RBM5: variants seen among roughly 807,000 people sequenced by gnomAD.
RBM5 encodes RNA-binding protein 5.
Under a neutral mutation model 124.6 loss-of-function variants are expected in RBM5, and 15 were observed. That is an observed-to-expected ratio of 0.12 (90% CI 0.08 to 0.19). The LOEUF (loss-of-function observed/expected upper bound fraction) is 0.19, where lower values mean the gene tolerates loss of function less well. Ranked by LOEUF, RBM5 falls within the 10% of genes least tolerant of loss-of-function variation. RBM5 has a pLI of 1.00. For synonymous variants in RBM5, 337 were observed against 361.2 expected, an observed-to-expected ratio of 0.93 and a Z score of 0.76; for missense variants, 580 against 1,026.5, an observed-to-expected ratio of 0.57 and a Z score of 5.94.
intron 6 of RBM5, 156 bp from the exon 7 acceptor site, chr3:50,102,927 G>A: frequency 1.6e-6 from 1 of 632,946 alleles, no homozygotes. Flanking sequence ...CTATCTGAAG[G>A]ATTGGATGGG....
chr3:50,115,389 T>C, intron 20 of RBM5, 39 bp from the exon 21 acceptor site: 1 of 1,597,698 alleles, frequency 6.3e-7, no homozygotes, highest in Non-Finnish European at 8.5e-7. Flanking sequence ...CATCTTCCTA[T>C]TGTACATTTC....
chr3:50,106,563 A>G (rs1211333885), intron 10 of RBM5, among the ~76,000 whole-genome samples: 2 of 152,172 alleles, frequency 1.3e-5, no homozygotes, highest in Admixed American at 1.3e-4. Context: ...TTGGTTTAGC[A>G]TTTGCTCTTT....
intron 4 of RBM5, among the ~76,000 whole-genome samples, chr3:50,097,050 A>G (rs559187502): frequency 3.3e-5 from 5 of 152,232 alleles, no homozygotes; most frequent in Admixed American, 3.3e-4. Context: ...GCAAAGTGCT[A>G]TTGTGGCTAG....
At chr3:50,113,209 C>G in intron 17 of RBM5, 174 bp from the exon 18 acceptor site, 1 of 545,438 alleles carries the variant, frequency 1.8e-6, no homozygotes. Flanking sequence ...CAGTGTCACA[C>G]CTCTTTGCTA....
chr3:50,101,454 T>C (rs1427720672), intron 6 of RBM5: 2 of 152,232 alleles, frequency 1.3e-5, no homozygotes, highest in African/African-American at 4.8e-5. Flanking sequence ...ATTGGTAATA[T>C]TGCCATTTAT....
chr3:50,106,125 T>TTTTTTTTTTTTTTTTTTTTTG (rs2091024983), intron 10 of RBM5, among the ~76,000 whole-genome samples: 1 of 90,890 alleles, frequency 1.1e-5, no homozygotes, highest in Non-Finnish European at 2.2e-5. Context: ...GCTATTTTTT[T>TTTTTTTTTTTTTTTTTTTTTG]TTTTTTTTTT....
intron 6 of RBM5, 105 bp from the exon 7 acceptor site, chr3:50,102,978 T>G: frequency 1.1e-6 from 1 of 884,042 alleles, no homozygotes; most frequent in Non-Finnish European, 1.9e-6. Flanking sequence ...CCGTATGTTG[T>G]CCATTTAATT....
At position 50,090,417 on chromosome 3, in the gene RBM5, T is replaced by C; in HGVS notation, c.-18T>C. On this transcript the variant is annotated 5_prime_UTR_variant, in exon 2 of 25. Coordinates refer to ENST00000347869, the MANE Select transcript of RBM5 (RefSeq NM_005778.4). The stretch of plus-strand genomic sequence containing the variant: ...ATTTGAACCTTTTGGAGCTGTGTGC[T>C]AAATCTTCAGTGGGACAATGGGTTC... The C allele has an allele frequency of 6.2e-7, 1 of 1,613,946 alleles. No homozygotes were observed.
intron 21 of RBM5, 44 bp from the exon 22 acceptor site, chr3:50,115,862 A>T (rs921975242): frequency 6.5e-7 from 1 of 1,528,080 alleles, no homozygotes; most frequent in Non-Finnish European, 9.1e-7. Flanking sequence ...TTTCAAATTA[A>T]GATGGTCTGA....
intron 6 of RBM5, chr3:50,101,593 A>G (rs561926288): frequency 1.3e-5 from 2 of 152,336 alleles, no homozygotes; most frequent in African/African-American, 4.8e-5. Context: ...ATTTCATACC[A>G]TAGATACCAT....
intron 4 of RBM5, 148 bp downstream of exon 4, chr3:50,094,023 GAT>G: frequency 9.0e-6 from 7 of 774,918 alleles, no homozygotes; most frequent in Non-Finnish European, 1.3e-5. Context: ...GAACTGTTTT[GAT>G]ATTTTTTTTT....
intron 20 of RBM5, 77 bp downstream of exon 20, chr3:50,114,328 C>T: frequency 7.2e-7 from 1 of 1,389,502 alleles, no homozygotes; most frequent in Non-Finnish European, 9.9e-7. Flanking sequence ...TGCATCTTGG[C>T]TAATGTGATT....
chr3:50,110,505 T>TAG, intron 16 of RBM5, 42 bp downstream of exon 16: 1 of 1,574,946 alleles, frequency 6.3e-7, no homozygotes, highest in African/African-American at 1.3e-5. Context: ...TGGAAGGTCT[T>TAG]AGTTGTTGTC....
intron 14 of RBM5, among the ~76,000 whole-genome samples, chr3:50,108,757 T>C: frequency 6.6e-6 from 1 of 152,210 alleles, no homozygotes; most frequent in East Asian, 1.9e-4. Context: ...TGTCATCATG[T>C]ACCCAAGGTT....
At chr3:50,091,966 C>T (rs2013208) in intron 2 of RBM5, 77 bp from the exon 3 acceptor site, 765,617 of 1,428,510 alleles carry the variant, frequency 0.54, 213,142 homozygotes, top group East Asian at 0.85. Context: ...ATCTGTGGGC[C>T]GTGTGTATTT....
chr3:50,103,842 A>G (rs1365261032), intron 7 of RBM5, among the ~76,000 whole-genome samples: 2 of 152,188 alleles, frequency 1.3e-5, no homozygotes, highest in African/African-American at 4.8e-5. Context: ...GAATGTTGAC[A>G]TTGATATTTT....
At chr3:50,096,925 C>T (rs772239484) in intron 4 of RBM5, among the ~76,000 whole-genome samples, 3 of 152,050 alleles carry the variant, frequency 2.0e-5, no homozygotes, top group Admixed American at 1.3e-4. Context: ...ATGGGCCCTT[C>T]AGGCGGAGGG....
At chr3:50,089,711 G>A (rs140855969) in intron 1 of RBM5, among the ~76,000 whole-genome samples, 1 of 152,114 alleles carries the variant, frequency 6.6e-6, no homozygotes, top group East Asian at 1.9e-4. Flanking sequence ...TTCGGACCTC[G>A]CGCTCATCGA....
intron 1 of RBM5, among the ~76,000 whole-genome samples, chr3:50,089,559 C>T (rs1204289604): frequency 6.6e-6 from 1 of 152,264 alleles, no homozygotes; most frequent in Non-Finnish European, 1.5e-5. Flanking sequence ...GGTGCCGGCA[C>T]CGCCCGGGAG....
Sources: gnomAD v4.1 joint callset for allele counts (sites outside exome capture counted in the v4.1 genomes callset) on GRCh38, gnomAD v4.1.1 for gene constraint, MANE v1.5 for transcripts, NCBI Gene and HGNC (gene_info 2026-07-23, HGNC 2026-07-21) for gene names.